The following PRKAG2 variants were observed in gnomAD, a reference collection of about 807,000 sequenced individuals.
PRKAG2 encodes the protein protein kinase AMP-activated non-catalytic subunit gamma 2.
Under a neutral mutation model 69.6 loss-of-function variants are expected in PRKAG2, and 26 were observed. The ratio of observed to expected loss-of-function variants is 0.37; its 90% CI spans 0.27 to 0.52. The LOEUF (loss-of-function observed/expected upper bound fraction) is 0.52. PRKAG2 is among the 20% of genes least tolerant of loss of function. PRKAG2 has a pLI of 0.90. For synonymous variants in PRKAG2, 293 were observed against 285.0 expected (o/e 1.03, Z -0.28); for missense variants, 557 against 740.0 (o/e 0.75, Z 2.87).
At chr7:151,744,836 C>A (rs1176023347) in intron 3 of PRKAG2, among the ~76,000 whole-genome samples, 1 of 152,190 alleles carries the variant, frequency 6.6e-6, no homozygotes, top group African/African-American at 2.4e-5. Context: ...CAGGGGGAAC[C>A]CTAGTCACCC....
chr7:151,714,080 TG>T (rs1307512049), intron 3 of PRKAG2, among the ~76,000 whole-genome samples: 1 of 152,090 alleles, frequency 6.6e-6, no homozygotes, highest in African/African-American at 2.4e-5. Context: ...TAACTCGGGC[TG>T]GGGTCCCAGC....
Position 151,638,503 on chromosome 7 carries a change from G to A in PRKAG2, c.685-6365C>T, listed in dbSNP as rs982876021. On this transcript the variant is annotated intron_variant, in intron 4 of 15. Transcript: ENST00000287878. This position sits in a 1 kb window ranked among gnomAD's most constrained non-coding sequence, Gnocchi z 4.3. ...ACAAAAATTAGCCGGGCATGGTTGC[G>A]CACACCTGTAGTCCCAGCTACTCGG... Among the ~76,000 whole-genome samples, 1 of 152,034 alleles carries A rather than the reference G, an allele frequency of 6.6e-6. No homozygotes were observed. Among genetic ancestry groups the A allele is most frequent in the Non-Finnish European group, 1.5e-5 (1 of 68,018 alleles).
chr7:151,821,661 C>G (rs2078784221), intron 1 of PRKAG2, among the ~76,000 whole-genome samples: 1 of 152,216 alleles, frequency 6.6e-6, no homozygotes, highest in Non-Finnish European at 1.5e-5. Context: ...CAAGTCCTCT[C>G]TAAGACACAT....
chr7:151,612,803 TG>T (rs1235393700), intron 5 of PRKAG2, among the ~76,000 whole-genome samples: 3 of 152,250 alleles, frequency 2.0e-5, no homozygotes. Flanking sequence ...AACCTGAAGC[TG>T]TTACCAGCCC....
chr7:151,639,260 CCT>C (rs1318966659), intron 4 of PRKAG2, among the ~76,000 whole-genome samples: 2 of 152,222 alleles, frequency 1.3e-5, no homozygotes, highest in African/African-American at 2.4e-5. Context: ...CTACACCTCC[CCT>C]GTTTCAGGCT....
At chr7:151,873,224 G>A (rs1055076706) in intron 1 of PRKAG2, among the ~76,000 whole-genome samples, 9 of 152,144 alleles carry the variant, frequency 5.9e-5, no homozygotes, top group Admixed American at 1.3e-4. Flanking sequence ...CCTCCCGCCC[G>A]ATTCTGTGGG....
intron 3 of PRKAG2, among the ~76,000 whole-genome samples, chr7:151,692,597 C>T (rs765789762): frequency 1.8e-4 from 27 of 152,092 alleles, no homozygotes; most frequent in Admixed American, 8.5e-4. Flanking sequence ...TTTTACTCTA[C>T]GTAACTTATA....
At position 151,807,420 on chromosome 7, in the gene PRKAG2, C is replaced by G. The variant is rs749721119; in HGVS notation, c.115-20879G>C. On this transcript the variant is annotated intron_variant, in intron 1 of 15. Coordinates refer to ENST00000287878, the MANE Select transcript of PRKAG2 (RefSeq NM_016203.4). The surrounding 1 kb of genome is among the most constrained non-coding windows in gnomAD (Gnocchi z 4.4). ...AGCTGTGCTGTGGGTGACGGTCATA[C>G]TTTATTCTCTAAAACTCTCCAGTTT... 1.3e-5 allele frequency: 6 copies of G among 457,740 alleles called. No individual in the cohort carries two copies. Among genetic ancestry groups the G allele is most frequent in the Non-Finnish European group, 2.6e-5 (6 of 226,978 alleles). 28.4% of individuals were successfully genotyped at this position (457,740 alleles called of 1,614,324 possible).
chr7:151,630,898 T>C (rs1158478939), intron 5 of PRKAG2, among the ~76,000 whole-genome samples: 1 of 152,256 alleles, frequency 6.6e-6, no homozygotes, highest in Non-Finnish European at 1.5e-5. Flanking sequence ...CACCATTTGT[T>C]ACCAATAAAT....
chr7:151,612,301 C>A (rs1273696355), intron 5 of PRKAG2, among the ~76,000 whole-genome samples: 4 of 152,166 alleles, frequency 2.6e-5, no homozygotes, highest in African/African-American at 9.6e-5. Context: ...TCCCTTCTTG[C>A]AGGGTGTTCC....
intron 3 of PRKAG2, among the ~76,000 whole-genome samples, chr7:151,740,094 G>A (rs557969816): frequency 1.6e-4 from 24 of 152,318 alleles, no homozygotes; most frequent in Admixed American, 7.8e-4. Flanking sequence ...GGGAGGCACC[G>A]GACAGTCACC....
At chr7:151,587,253 T>C (rs79685651) in intron 6 of PRKAG2, among the ~76,000 whole-genome samples, 140 of 152,324 alleles carry the variant, frequency 9.2e-4, no homozygotes, top group African/African-American at 3.3e-3. Context: ...CAAAATGAAG[T>C]TGTTCTGGAT....
At chr7:151,839,088 C>A (rs1366292610) in intron 1 of PRKAG2, among the ~76,000 whole-genome samples, 1 of 152,026 alleles carries the variant, frequency 6.6e-6, no homozygotes, top group African/African-American at 2.4e-5. Context: ...CTGCCTGACA[C>A]CTCAGCCGGG....
chr7:151,782,742 G>A (rs1460859278), intron 2 of PRKAG2, among the ~76,000 whole-genome samples: 1 of 152,180 alleles, frequency 6.6e-6, no homozygotes, highest in Non-Finnish European at 1.5e-5. Flanking sequence ...GAGGATGGCC[G>A]TGCCCTCACC....
At chr7:151,635,866 ATTT>A (rs1202730297) in intron 4 of PRKAG2, among the ~76,000 whole-genome samples, 18,696 of 139,650 alleles carry the variant, frequency 0.13, 1,308 homozygotes, top group African/African-American at 0.18. Context: ...ATGACAATAA[ATTT>A]TTTTTTTTTT....
At chr7:151,557,687 T>A (rs963063711) in intron 15 of PRKAG2, 5 of 525,874 alleles carry the variant, frequency 9.5e-6, no homozygotes, top group Non-Finnish European at 1.2e-5. Flanking sequence ...CTGGCCAACA[T>A]GGTGAAACCC....
At chr7:151,685,812 T>C (rs1225007537) in intron 3 of PRKAG2, among the ~76,000 whole-genome samples, 1 of 152,078 alleles carries the variant, frequency 6.6e-6, no homozygotes, top group Non-Finnish European at 1.5e-5. Flanking sequence ...TTGATTCATA[T>C]GACCCACAGA....
At chr7:151,669,769 T>A (rs1831565939) in intron 4 of PRKAG2, among the ~76,000 whole-genome samples, 1 of 140,076 alleles carries the variant, frequency 7.1e-6, no homozygotes, top group African/African-American at 2.7e-5. Context: ...CACACACCTG[T>A]GCACACACTT....
At chr7:151,786,408 C>T (rs2077010896) in intron 2 of PRKAG2, 62 bp downstream of exon 2, 2 of 1,484,168 alleles carry the variant, frequency 1.3e-6, no homozygotes, top group South Asian at 1.2e-5. Flanking sequence ...TGGGCTCAGG[C>T]TCTGCCTGCC....
Sources: gnomAD v4.1 joint callset for allele counts (sites outside exome capture counted in the v4.1 genomes callset) on GRCh38, gnomAD v4.1.1 for gene constraint, Gnocchi (gnomAD v3.1) non-coding constraint, MANE v1.5 for transcripts, NCBI Gene and HGNC (gene_info 2026-07-23, HGNC 2026-07-21) for gene names.